Variants in RNGTT observed in about 807,000 individuals in gnomAD.
The protein encoded by RNGTT is mRNA-capping enzyme.
In RNGTT, 33 loss-of-function variants were observed where a neutral mutation model predicts 79.3. That is an observed-to-expected ratio of 0.42 (90% confidence interval 0.32 to 0.56). The LOEUF (loss-of-function observed/expected upper bound fraction) is 0.56. RNGTT is among the 20% of genes least tolerant of loss of function. The pLI is 0.17. For synonymous variants in RNGTT, 222 were observed against 235.9 expected, an observed-to-expected ratio of 0.94 and a Z score of 0.54; for missense variants, 497 against 739.1, an observed-to-expected ratio of 0.67 and a Z score of 3.80.
Position 88,610,843 on chromosome 6 carries a change from C to T in RNGTT, c.*1876G>A, listed in dbSNP as rs149898487. The T allele has an allele frequency of 5.3e-4, 81 of 152,292 alleles. No individual in the cohort carries two copies. The highest frequency in any genetic ancestry group is 3.4e-3 in the Middle Eastern group (1 of 294). The allele number at this position is 152,292 out of a possible 1,614,324, so 9.4% of individuals were successfully genotyped here. On this transcript the variant is annotated 3_prime_UTR_variant, in exon 16 of 16. Coordinates refer to ENST00000369485, the MANE Select transcript of RNGTT (RefSeq NM_003800.5). ...TGGCAAAAGCTTGCTTTCGTATCTGCAAAAGGGCTCTGCCTTTCCACAGGC... is the reference window on the plus strand; with the variant it reads ...TGGCAAAAGCTTGCTTTCGTATCTGTAAAAGGGCTCTGCCTTTCCACAGGC...
intron 14 of RNGTT, among the ~76,000 whole-genome samples, chr6:88,625,538 T>G (rs1420137321): frequency 6.6e-6 from 1 of 151,864 alleles, no homozygotes; most frequent in African/African-American, 2.4e-5. Flanking sequence ...CAAAACTATA[T>G]CAACAGAAAG....
At chr6:88,753,764 AT>A (rs1777916252) in intron 13 of RNGTT, among the ~76,000 whole-genome samples, 1 of 152,018 alleles carries the variant, frequency 6.6e-6, no homozygotes, top group Admixed American at 6.6e-5. Flanking sequence ...AATATACATG[AT>A]TTTATCTAAA....
In RNGTT at chr6:88,684,007, C is replaced by T. The variant is rs377361789; in HGVS notation, c.1440-5588G>A. ...TCCAGCCTGAGTGACAGCAAAAACC[C>T]GTCTCTAAAAACAAAAATTTAGAAA... On this transcript the variant is annotated intron_variant, in intron 13 of 15. Coordinates refer to ENST00000369485, the MANE Select transcript of RNGTT (RefSeq NM_003800.5). 1.2e-4 allele frequency among the ~76,000 whole-genome samples: 18 copies of T among 151,836 alleles called. No homozygotes were observed. In the East Asian group the frequency reaches 1.9e-3, roughly 16 times the overall value.
intron 11 of RNGTT, among the ~76,000 whole-genome samples, chr6:88,825,455 T>G (rs961436202): frequency 2.0e-5 from 3 of 152,258 alleles, no homozygotes; most frequent in Admixed American, 2.0e-4. Flanking sequence ...TCTAAAGAGA[T>G]ATTCATCGAA....
intron 13 of RNGTT, among the ~76,000 whole-genome samples, chr6:88,717,374 A>G (rs1582376033): frequency 6.6e-6 from 1 of 152,352 alleles, no homozygotes; most frequent in East Asian, 1.9e-4. Context: ...TCAAATCACA[A>G]AGATCTCAGA....
chr6:88,828,855 A>G (rs1015743597), intron 11 of RNGTT, among the ~76,000 whole-genome samples: 72 of 152,028 alleles, frequency 4.7e-4, no homozygotes, highest in African/African-American at 1.7e-3. Flanking sequence ...ATGAAAAGGA[A>G]CTAATGAAGC....
chr6:88,630,274 C>T (rs1005339548), intron 14 of RNGTT, among the ~76,000 whole-genome samples: 10 of 152,174 alleles, frequency 6.6e-5, no homozygotes, highest in African/African-American at 1.9e-4. Context: ...CACAGTGGAT[C>T]GCCTCCTGGT....
intron 6 of RNGTT, among the ~76,000 whole-genome samples, chr6:88,903,971 AG>A (rs1783558969): frequency 6.6e-6 from 1 of 152,208 alleles, no homozygotes; most frequent in African/African-American, 2.4e-5. Flanking sequence ...AAGGTTGGCT[AG>A]AGAAGTGAGA....
chr6:88,766,150 C>T (rs1332795129), intron 13 of RNGTT, among the ~76,000 whole-genome samples: 1 of 152,046 alleles, frequency 6.6e-6, no homozygotes, highest in Non-Finnish European at 1.5e-5. Flanking sequence ...TCTTATGAGG[C>T]CAACTTATTT....
intron 13 of RNGTT, among the ~76,000 whole-genome samples, chr6:88,723,555 G>A (rs1776777564): frequency 6.6e-6 from 1 of 151,768 alleles, no homozygotes; most frequent in African/African-American, 2.4e-5. Flanking sequence ...TACCACCTGT[G>A]TCACCAGCCC....
chr6:88,839,893 T>A (rs142890514), intron 11 of RNGTT, among the ~76,000 whole-genome samples: 7 of 152,318 alleles, frequency 4.6e-5, no homozygotes, highest in African/African-American at 1.4e-4. Flanking sequence ...AGTTAAAAAC[T>A]GAACAATTAT....
At chr6:88,684,302 C>A (rs1051436605) in intron 13 of RNGTT, among the ~76,000 whole-genome samples, 4 of 152,264 alleles carry the variant, frequency 2.6e-5, no homozygotes, top group Admixed American at 2.0e-4. Flanking sequence ...AATAGCATAG[C>A]CCCTTTGGAA....
At chr6:88,849,084 C>A (rs567668084) in intron 10 of RNGTT, among the ~76,000 whole-genome samples, 1 of 151,926 alleles carries the variant, frequency 6.6e-6, no homozygotes, top group Admixed American at 6.6e-5. Context: ...AACAAAGCCA[C>A]CCCGCCACCC....
At chr6:88,833,299 T>C (rs532785455) in intron 11 of RNGTT, among the ~76,000 whole-genome samples, 1 of 152,186 alleles carries the variant, frequency 6.6e-6, no homozygotes, top group South Asian at 2.1e-4. Flanking sequence ...CTGAAAACCA[T>C]CATTCTCAGC....
At chr6:88,727,010 G>C (rs906296092) in intron 13 of RNGTT, among the ~76,000 whole-genome samples, 2 of 149,792 alleles carry the variant, frequency 1.3e-5, no homozygotes, top group African/African-American at 4.9e-5. Flanking sequence ...GGTGGGGGGG[G>C]AGAATTTATG....
At chr6:88,959,222 G>C (rs551192253) in intron 1 of RNGTT, among the ~76,000 whole-genome samples, 1 of 147,412 alleles carries the variant, frequency 6.8e-6, no homozygotes. Flanking sequence ...GTGTGGAGAG[G>C]GGGGATGAGG....
chr6:88,890,896 T>C (rs1783028459), intron 7 of RNGTT, among the ~76,000 whole-genome samples: 1 of 152,196 alleles, frequency 6.6e-6, no homozygotes, highest in South Asian at 2.1e-4. Context: ...TTTACAAGTC[T>C]TGTACTTCAG....
chr6:88,753,309 G>C lies in RNGTT; in HGVS notation c.1439+16465C>G, dbSNP rs1777900416. ...TGCTTGAGCCTAGGAGTTGAGAACA[G>C]CCTAGGCAACACAGTGAGACCCTAT... is the stretch of plus-strand genomic sequence containing the variant. On this transcript the variant is annotated intron_variant, in intron 13 of 15. Transcript: ENST00000369485. Among the ~76,000 whole-genome samples, 3 of 152,088 alleles carry C rather than the reference G, an allele frequency of 2.0e-5. No individual in the cohort carries two copies. The South Asian group carries it at 6.2e-4, about 32-fold the overall frequency.
chr6:88,791,084 G>A (rs936330954), intron 12 of RNGTT, among the ~76,000 whole-genome samples: 6 of 151,602 alleles, frequency 4.0e-5, no homozygotes, highest in African/African-American at 1.5e-4. Flanking sequence ...GCCATTCAAG[G>A]GCAGGGGAGA....
Sources: allele counts gnomAD v4.1 joint callset (sites outside exome capture counted in the v4.1 genomes callset), GRCh38; gene constraint gnomAD v4.1.1; transcripts MANE v1.5; gene names NCBI Gene and HGNC (gene_info 2026-07-23, HGNC 2026-07-21).